The following WDFY4 variants were observed in gnomAD, a reference collection of about 807,000 sequenced individuals.
WDFY4 encodes the protein WD repeat- and FYVE domain-containing protein 4.
In WDFY4, 169 loss-of-function variants were observed where a neutral mutation model predicts 351.9. That is an observed-to-expected ratio of 0.48 (90% CI 0.42 to 0.55). WDFY4 has a LOEUF of 0.55. WDFY4 is among the 20% of genes least tolerant of loss of function. WDFY4 has a pLI of 0.00. For synonymous variants in WDFY4, 1,622 were observed against 1,574.6 expected, an observed-to-expected ratio of 1.03 and a Z score of -0.71; for missense variants, 3,803 against 3,935.6, an observed-to-expected ratio of 0.97 and a Z score of 0.90.
intron 39 of WDFY4, among the ~76,000 whole-genome samples, chr10:48,855,742 G>C (rs899161822): frequency 6.6e-6 from 1 of 152,042 alleles, no homozygotes; most frequent in Non-Finnish European, 1.5e-5. Flanking sequence ...CTTACTCACA[G>C]TTTTGCTTTC....
At chr10:48,830,615 A>G in intron 37 of WDFY4, 85 bp from the exon 38 acceptor site, 2 of 1,445,668 alleles carry the variant, frequency 1.4e-6, no homozygotes, top group Non-Finnish European at 9.3e-7. Flanking sequence ...GTGTGGGTAA[A>G]ACCACTCATG....
rs1176510173 is a variant in WDFY4, at chr10:48,867,326, A to G, written c.6725A>G (p.Tyr2242Cys). The change falls in exon 40 of 62, where the codon TAC (tyrosine) becomes TGC (cysteine). Residue 2242 changes from tyrosine to cysteine, a missense_variant. Physicochemically the swap from Tyr to Cys is radical, Grantham distance 194 (BLOSUM62 -2). Coordinates refer to ENST00000325239, the MANE Select transcript of WDFY4 (RefSeq NM_001394531.1). ...RRGQELYASLYKDHVQRRKCG... is the reference protein window; with the variant it reads ...RRGQELYASLCKDHVQRRKCG... ...GGACAAGAGCTATATGCATCTTTAT[A>G]CAAAGACCATGTGCAAGTAAGAAAC... 1.3e-6 allele frequency: 2 copies of G among 1,502,796 alleles called. No homozygotes were observed. The highest frequency in any genetic ancestry group is 8.9e-7 in the Non-Finnish European group (1 of 1,121,326). The allele number at this position is 1,502,796 out of a possible 1,614,324, so 93.1% of individuals were successfully genotyped here.
At chr10:48,744,200 A>C (rs551450079) in intron 12 of WDFY4, among the ~76,000 whole-genome samples, 1 of 152,350 alleles carries the variant, frequency 6.6e-6, no homozygotes, top group South Asian at 2.1e-4. Flanking sequence ...GTGGGAGGGA[A>C]AATGAAAGAA....
intron 8 of WDFY4, 102 bp from the exon 9 acceptor site, chr10:48,731,008 A>G: frequency 1.0e-5 from 13 of 1,299,458 alleles, no homozygotes; most frequent in Non-Finnish European, 1.3e-5. Context: ...GAGTTAGAAC[A>G]CAGAAACTTC....
At chr10:48,913,532 C>T (rs750366620) in intron 47 of WDFY4, 30 of 1,613,856 alleles carry the variant, frequency 1.9e-5, no homozygotes, top group East Asian at 8.9e-5. Context: ...TCAGGCAAGC[C>T]GCACACAGAT....
intron 47 of WDFY4, among the ~76,000 whole-genome samples, chr10:48,936,929 GT>G (rs1270751902): frequency 2.4e-5 from 2 of 85,006 alleles, no homozygotes; most frequent in Non-Finnish European, 6.3e-5. Flanking sequence ...TTCAGGTTTT[GT>G]TTTTTTGAGA....
chr10:48,803,225 T>A, intron 24 of WDFY4, 61 bp from the exon 25 acceptor site: 1 of 1,515,190 alleles, frequency 6.6e-7, no homozygotes, highest in Admixed American at 2.0e-5. Flanking sequence ...TTCTCATGCT[T>A]CCTGCAAATC....
Position 48,684,925 on chromosome 10 carries a change from G to C in WDFY4, c.-94G>C. The C allele has an allele frequency of 6.6e-6, 1 of 152,518 alleles. No homozygotes were observed. Among genetic ancestry groups the C allele is most frequent in the East Asian group, 1.9e-4 (1 of 5,186 alleles). 9.4% of individuals were successfully genotyped at this position (152,518 alleles called of 1,614,324 possible). A position where few individuals can be genotyped will look rare whatever the true frequency, so the allele number is the denominator to read the frequency against. Reference sequence around the variant, plus strand: ...ATGTGGGGCCGGGTCCTCTTCCCCCGAGCCTGAGGGGCTGCAGCTGGGGAT... The same window carrying C: ...ATGTGGGGCCGGGTCCTCTTCCCCCCAGCCTGAGGGGCTGCAGCTGGGGAT... On this transcript the variant is annotated 5_prime_UTR_variant, in exon 1 of 62. Coordinates refer to ENST00000325239, the MANE Select transcript of WDFY4 (RefSeq NM_001394531.1).
chr10:48,874,517 A>T (rs2069916347), intron 41 of WDFY4, among the ~76,000 whole-genome samples: 1 of 152,198 alleles, frequency 6.6e-6, no homozygotes, highest in Non-Finnish European at 1.5e-5. Flanking sequence ...CATGCTAAAA[A>T]TCCTTTGTAA....
intron 51 of WDFY4, among the ~76,000 whole-genome samples, chr10:48,952,488 T>C (rs1389840189): frequency 2.0e-5 from 3 of 152,202 alleles, no homozygotes; most frequent in Admixed American, 6.5e-5. Flanking sequence ...GCACGTGCAA[T>C]AGAGACAGAC....
At chr10:48,973,145 G>A (rs572396164) in intron 57 of WDFY4, among the ~76,000 whole-genome samples, 2 of 152,272 alleles carry the variant, frequency 1.3e-5, no homozygotes, top group Admixed American at 1.3e-4. Context: ...TGCCGGCACT[G>A]GGGCTCAGAG....
intron 44 of WDFY4, among the ~76,000 whole-genome samples, chr10:48,896,751 A>G (rs966998616): frequency 2.0e-5 from 3 of 151,930 alleles, no homozygotes; most frequent in African/African-American, 7.3e-5. Context: ...CTCCCTGCCA[A>G]GTGCTCTGTA....
At chr10:48,844,437 C>T (rs534912413) in intron 39 of WDFY4, among the ~76,000 whole-genome samples, 2 of 152,190 alleles carry the variant, frequency 1.3e-5, no homozygotes, top group Admixed American at 6.5e-5. Context: ...ACTAATAATA[C>T]AAAAAGTAGC....
chr10:48,916,475 G>A (rs1032852838), intron 47 of WDFY4, among the ~76,000 whole-genome samples: 1 of 152,224 alleles, frequency 6.6e-6, no homozygotes, highest in African/African-American at 2.4e-5. Flanking sequence ...TGGAAGAAGA[G>A]AACCATTGTC....
intron 27 of WDFY4, among the ~76,000 whole-genome samples, chr10:48,807,396 T>C (rs941273894): frequency 6.6e-6 from 1 of 152,184 alleles, no homozygotes; most frequent in African/African-American, 2.4e-5. Context: ...TCTGCTATGA[T>C]TTGAGTTCTG....
chr10:48,716,199 G>C (rs2063904777), intron 2 of WDFY4, among the ~76,000 whole-genome samples: 1 of 152,072 alleles, frequency 6.6e-6, no homozygotes, highest in African/African-American at 2.4e-5. Flanking sequence ...CTCACTTAAA[G>C]ACAAACCTGC....
chr10:48,925,658 G>A (rs2133627744), intron 47 of WDFY4, among the ~76,000 whole-genome samples: 1 of 152,304 alleles, frequency 6.6e-6, no homozygotes, highest in Admixed American at 6.5e-5. Flanking sequence ...CAGAGATGAT[G>A]GTGCAGCTCA....
At position 48,953,333 on chromosome 10, in the gene WDFY4, T is replaced by TCTCTCTCACA. The variant is rs771339557; in HGVS notation, c.7978-3795_7978-3794insTCTCTCACAC. ...CTCTCTCTCTCTCTCTCTCTCTCTC[T>TCTCTCTCACA]CACACACACACACACACACACACAC... On this transcript the variant is annotated intron_variant, in intron 51 of 61. Coordinates refer to ENST00000325239, the MANE Select transcript of WDFY4 (RefSeq NM_001394531.1). Among the ~76,000 whole-genome samples, 636 of 128,200 alleles carry TCTCTCTCACA rather than the reference T, an allele frequency of 5.0e-3. 3 individuals carry two copies. The highest frequency in any genetic ancestry group is 0.02 in the South Asian group (69 of 3,530). 84.1% of individuals were successfully genotyped at this position (128,200 alleles called of 152,430 possible).
At chr10:48,912,920 A>G (rs1304613420) in intron 47 of WDFY4, among the ~76,000 whole-genome samples, 1 of 152,204 alleles carries the variant, frequency 6.6e-6, no homozygotes, top group Non-Finnish European at 1.5e-5. Context: ...CCTACCCAAC[A>G]CCAAGTGCTC....
Sources: gnomAD v4.1 joint callset for allele counts (sites outside exome capture counted in the v4.1 genomes callset) on GRCh38, gnomAD v4.1.1 for gene constraint, MANE v1.5 for transcripts, NCBI Gene and HGNC (gene_info 2026-07-23, HGNC 2026-07-21) for gene names.